The following PLXNA3 variants were observed in gnomAD, a reference collection of about 807,000 sequenced individuals.
The protein encoded by PLXNA3 is plexin A3.
PLXNA3 carries 52 observed loss-of-function variants against 118.8 expected under a neutral mutation model. That is an observed-to-expected ratio of 0.44 (90% CI 0.35 to 0.55). The LOEUF (loss-of-function observed/expected upper bound fraction) is 0.55, where lower values mean the gene tolerates loss of function less well. PLXNA3 is among the 20% of genes least tolerant of loss of function. PLXNA3 has a pLI of 0.01. For synonymous variants in PLXNA3, 925 were observed against 762.4 expected (o/e 1.21, Z -3.51); for missense variants, 1,660 against 1,730.8 (o/e 0.96, Z 0.73).
chrX:154,462,231 G>A lies in PLXNA3; in HGVS notation c.1238G>A (p.Gly413Asp). ...GLPLLADSTD[G>D]MASVAAYTYR... is the part of the protein sequence containing the mutation. ...CCCCTGCTGGCCGACAGCACCGACG[G>A]CATGGCCAGCGTGGCCGCCTACACC... Residue 413 changes from glycine to aspartate, a missense_variant, in exon 4 of 33, where the codon GGC becomes GAC. This residue lies in a region of PLXNA3 where 791 missense variants were observed against 652.1 expected (regional missense o/e 1.21). Coordinates refer to ENST00000369682, the MANE Select transcript of PLXNA3 (RefSeq NM_017514.5). 3.3e-6 allele frequency: 4 copies of A among 1,201,697 alleles called. No individual in the cohort carries two copies. The highest frequency in any genetic ancestry group is 1.7e-5 in the African/African-American group (1 of 57,541).
Position 154,461,388 on chromosome X carries a change from C to T in PLXNA3, c.884C>T (p.Ala295Val). 8.3e-7 allele frequency: 1 copy of T among 1,211,786 alleles called. No homozygotes were observed. The highest frequency in any genetic ancestry group is 1.1e-6 in the Non-Finnish European group (1 of 895,403). ...RGVEYRLVQSAHLAKPGLLLA... is the reference protein window; with the variant it reads ...RGVEYRLVQSVHLAKPGLLLA... ...GTGGAGTACCGCTTGGTGCAGAGCG[C>T]CCACCTGGCCAAGCCTGGCCTGCTG... Residue 295 changes from alanine (A) to valine (V), a missense_variant, in exon 3 of 33, where the codon GCC becomes GTC. Transcript: ENST00000369682.
Position 154,460,356 on chromosome X carries a change from C to G in PLXNA3, c.173C>G (p.Pro58Arg), listed in dbSNP as rs968909046. The G allele has an allele frequency of 2.5e-6, 3 of 1,211,065 alleles. No homozygotes were observed. Among genetic ancestry groups the G allele is most frequent in the African/African-American group, 1.7e-5 (1 of 57,958 alleles). ...GAVNRVFKLA[P>R]NLTELRAHVT... is the part of the protein sequence containing the mutation. ...GTGAACCGAGTCTTTAAGCTGGCCC[C>G]CAACCTGACTGAGCTGCGGGCCCAT... The change falls in exon 2 of 33, where the codon CCC becomes CGC. Residue 58 changes from proline (P) to arginine (R), a missense_variant. Coordinates refer to ENST00000369682, the MANE Select transcript of PLXNA3 (RefSeq NM_017514.5).
chrX:154,458,670 C>T (rs1428844008), intron 1 of PLXNA3, among the ~76,000 whole-genome samples: 1 of 112,285 alleles, frequency 8.9e-6, no homozygotes, highest in African/African-American at 3.2e-5. Flanking sequence ...CTGTACTTCC[C>T]TCCCGCTAAG....
Position 154,466,051 on chromosome X carries a change from C to T in PLXNA3, c.2649C>T (p.Ser883=), listed in dbSNP as rs1470802371. The T allele has an allele frequency of 8.3e-7, 1 of 1,208,238 alleles. No homozygotes were observed. The highest frequency in any genetic ancestry group is 1.7e-5 in the African/African-American group (1 of 57,461). ...GGGTGGCTGGCGTGCGTTGCAACTC[C>T]ATTCCGGCCGAGTACATCAGTGCTG... ...GLRVAGVRCN[S]IPAEYISAER... The change falls in exon 14 of 33, where the codon TCC becomes TCT. Residue 883 remains serine (S), a synonymous_variant. Transcript: ENST00000369682.
chrX:154,470,215 C>A, intron 29 of PLXNA3, 48 bp downstream of exon 29: 1 of 1,150,652 alleles, frequency 8.7e-7, no homozygotes, highest in African/African-American at 1.8e-5. Flanking sequence ...GAGGTTGTCC[C>A]GGCCTTACAG....
In PLXNA3 at chrX:154,461,537, A is replaced by G; in HGVS notation, c.1033A>G (p.Ile345Val). The part of the protein sequence containing the change: ...TILCLFTLSN[I>V]NAHIRRRIQS... ...CCTCTGCCTCTTCACCCTCAGCAAC[A>G]TCAATGCCCACATCCGGCGCCGCAT... is the stretch of plus-strand genomic sequence containing the variant. The change falls in exon 3 of 33, where the codon ATC (isoleucine) becomes GTC (valine). Residue 345 changes from isoleucine (I) to valine (V), a missense_variant. Coordinates refer to ENST00000369682, the MANE Select transcript of PLXNA3 (RefSeq NM_017514.5). 8.3e-7 allele frequency: 1 copy of G among 1,210,559 alleles called. No individual in the cohort carries two copies. The highest frequency in any genetic ancestry group is 1.8e-5 in the South Asian group (1 of 57,006).
intron 2 of PLXNA3, 33 bp from the exon 3 acceptor site, chrX:154,461,066 C>G (rs372239746): frequency 8.7e-7 from 1 of 1,147,976 alleles, no homozygotes; most frequent in Non-Finnish European, 1.2e-6. Context: ...CACAGGGCCT[C>G]ACCGGATGCT....
At chrX:154,463,902 GGCCCT>G (rs1276988974) in intron 6 of PLXNA3, 44 bp from the exon 7 acceptor site, 29 of 1,156,759 alleles carry the variant, frequency 2.5e-5, no homozygotes, top group Non-Finnish European at 3.0e-5. Context: ...GACAGGCCTG[GGCCCT>G]CCCGGGGCAG....
In PLXNA3 at chrX:154,477,676, CTCCTTGAATATCTGAAT is replaced by C. The variant is rs2069245267; in HGVS notation, c.*4994_*5010del. ...CTAAATTGTCTTCAATTTCCTTGTA[CTCCTTGAATATCTGAAT>C]TCTAGAACCCCCCCCCCAGCAACCC... On this transcript the variant is annotated 3_prime_UTR_variant, in exon 33 of 33. Transcript: ENST00000369682. 1 of 294,102 alleles carries C rather than the reference CTCCTTGAATATCTGAAT, an allele frequency of 3.4e-6. No individual in the cohort carries two copies. The highest frequency in any genetic ancestry group is 2.9e-5 in the African/African-American group (1 of 34,838). The allele number at this position is 294,102 out of a possible 1,213,427, so 24.2% of individuals were successfully genotyped here.
In PLXNA3 at chrX:154,469,364, G is replaced by A. The variant is rs2069146545; in HGVS notation, c.4595-15G>A. 8.4e-7 allele frequency: 1 copy of A among 1,192,560 alleles called. No individual in the cohort carries two copies. Among genetic ancestry groups the A allele is most frequent in the Admixed American group, 2.2e-5 (1 of 45,814 alleles). ...GGCTGCCAGCATAATCTTAAGGGCTGTCTGTGGCCCACAGAGTGGCGCCAG... is the reference window on the plus strand; with the variant it reads ...GGCTGCCAGCATAATCTTAAGGGCTATCTGTGGCCCACAGAGTGGCGCCAG... On this transcript the variant is annotated splice_polypyrimidine_tract_variant and intron_variant, in intron 26 of 32. Transcript: ENST00000369682.
In PLXNA3 at chrX:154,461,122, C is replaced by G. The variant is rs1557204007; in HGVS notation, c.618C>G (p.Ser206=). The G allele has an allele frequency of 8.3e-7, 1 of 1,202,487 alleles. No individual in the cohort carries two copies. The highest frequency in any genetic ancestry group is 1.1e-6 in the Non-Finnish European group (1 of 888,430). Residue 206 remains serine, a synonymous_variant, in exon 3 of 33, where the codon TCC becomes TCG. Coordinates refer to ENST00000369682, the MANE Select transcript of PLXNA3 (RefSeq NM_017514.5). The part of the protein sequence containing the change: ...FSLVYQDEFV[S]SQIKIPSDTL... ...AGGTGTACCAGGATGAGTTTGTGTC[C>G]TCCCAGATCAAGATCCCCTCAGACA...
At position 154,467,634 on chromosome X, in the gene PLXNA3, G is replaced by A. The variant is rs782395174; in HGVS notation, c.3531G>A (p.Ser1177=). 1.3e-5 allele frequency: 16 copies of A among 1,208,294 alleles called. No homozygotes were observed. Among genetic ancestry groups the A allele is most frequent in the Admixed American group, 1.1e-4 (5 of 45,746 alleles). Residue 1177 remains serine (S), a synonymous_variant, in exon 20 of 33, where the codon TCG becomes TCA. Transcript: ENST00000369682. Reference sequence around the variant, plus strand: ...GCCAGCCGTGTTCGCTCACTGTCTCGGACACACAACTCCTGTGCGACTCAC... The same window carrying A: ...GCCAGCCGTGTTCGCTCACTGTCTCAGACACACAACTCCTGTGCGACTCAC... The part of the protein sequence containing the change: ...IGGQPCSLTV[S]DTQLLCDSPS...
At position 154,465,059 on chromosome X, in the gene PLXNA3, C is replaced by T. The variant is rs782410957; in HGVS notation, c.2085C>T (p.Pro695=). 2.8e-5 allele frequency: 34 copies of T among 1,207,864 alleles called. No homozygotes were observed. In the Admixed American group the frequency reaches 5.5e-4, roughly 19 times the overall value. The change falls in exon 11 of 33, where the codon CCC becomes CCT. Residue 695 remains proline, a synonymous_variant. Transcript: ENST00000369682. ...TGCCCAGTGGGGACCTCCTGATCCC[C>T]GTTGGGGTCATGCAGCCTCTTACCT... ...EILPSGDLLI[P]VGVMQPLTLR... is the part of the protein sequence containing the mutation.
chrX:154,462,452 TC>T, intron 4 of PLXNA3, 142 bp downstream of exon 4: 2 of 468,766 alleles, frequency 4.3e-6, no homozygotes, highest in Non-Finnish European at 3.2e-6. Context: ...CCTGGCTGGG[TC>T]CCAGGCGCCT....
In PLXNA3 at chrX:154,468,542, C is replaced by T. The variant is rs782653838; in HGVS notation, c.4203C>T (p.Pro1401=). The change falls in exon 23 of 33, where the codon CCC becomes CCT. Residue 1401 remains proline, a synonymous_variant. Transcript: ENST00000369682. ...IEKNLESKNH[P]KLLLRRTESV... Reference sequence around the variant, plus strand: ...AGAACCTCGAGAGCAAGAACCACCCCAAGCTGCTGCTACGCAGGTACCTGC... The same window carrying T: ...AGAACCTCGAGAGCAAGAACCACCCTAAGCTGCTGCTACGCAGGTACCTGC... 5.0e-6 allele frequency: 6 copies of T among 1,210,250 alleles called. No individual in the cohort carries two copies. In the South Asian group the frequency reaches 8.8e-5, roughly 18 times the overall value.
chrX:154,463,704 C>G lies in PLXNA3; in HGVS notation c.1547+14C>G. 8.6e-7 allele frequency: 1 copy of G among 1,165,346 alleles called. No homozygotes were observed. ...GCTGCGACACAGGTGAGGGCGGGGA[C>G]CCCTGCTCGGGGAGTTGGAGGGCCC... On this transcript the variant is annotated intron_variant, in intron 6 of 32. Transcript: ENST00000369682.
rs782718396 is a variant in PLXNA3, at chrX:154,460,374, G to A, written c.191G>A (p.Arg64Gln). The change falls in exon 2 of 33, where the codon CGG (arginine) becomes CAG (glutamine). Residue 64 changes from arginine (R) to glutamine (Q), a missense_variant. Physicochemically the swap from Arg to Gln is conservative, Grantham distance 43 (BLOSUM62 1). Coordinates refer to ENST00000369682, the MANE Select transcript of PLXNA3 (RefSeq NM_017514.5). ...FKLAPNLTEL[R>Q]AHVTGPVEDN... Reference sequence around the variant, plus strand: ...CTGGCCCCCAACCTGACTGAGCTGCGGGCCCATGTCACGGGGCCCGTCGAG... The same window carrying A: ...CTGGCCCCCAACCTGACTGAGCTGCAGGCCCATGTCACGGGGCCCGTCGAG... 8.3e-6 allele frequency: 10 copies of A among 1,208,636 alleles called. No homozygotes were observed. In the African/African-American group the frequency reaches 8.7e-5, roughly 11 times the overall value.
chrX:154,465,703 C>T lies in PLXNA3; in HGVS notation c.2388C>T (p.Cys796=). The part of the protein sequence containing the change: ...CWAQRPSCGL[C]LKADPRFNCG... ...CGCAGCGGCCCAGCTGTGGCCTCTG[C>T]CTCAAGGCTGATCCCCGCTTCAACT... is the stretch of plus-strand genomic sequence containing the variant. The change falls in exon 13 of 33, where the codon TGC becomes TGT. Residue 796 remains cysteine (C), a synonymous_variant. Transcript: ENST00000369682. 1 of 1,210,467 alleles carries T rather than the reference C, an allele frequency of 8.3e-7. No homozygotes were observed. The highest frequency in any genetic ancestry group is 1.1e-6 in the Non-Finnish European group (1 of 894,990).
In PLXNA3 at chrX:154,465,439, G is replaced by A; in HGVS notation, c.2260G>A (p.Asp754Asn). The change falls in exon 12 of 33, where the codon GAT becomes AAT. Residue 754 changes from aspartate (D) to asparagine (N), a missense_variant. Asp to Asn is a conservative substitution (Grantham distance 23). This residue lies in a region of PLXNA3 where 869 missense variants were observed against 1,078.7 expected (regional missense o/e 0.81). Transcript: ENST00000369682. Reference sequence around the variant, plus strand: ...TTTCCTCCAGTACTCCTATGAAGGTGATGAGCATGGTGACACCGAGCTGGA... The same window carrying A: ...TTTCCTCCAGTACTCCTATGAAGGTAATGAGCATGGTGACACCGAGCTGGA... ...CQNASYSYEG[D>N]EHGDTELDFS... is the part of the protein sequence containing the mutation. 8.3e-7 allele frequency: 1 copy of A among 1,205,464 alleles called. No individual in the cohort carries two copies. The highest frequency in any genetic ancestry group is 1.1e-6 in the Non-Finnish European group (1 of 889,925).
Sources: allele counts gnomAD v4.1 joint callset (sites outside exome capture counted in the v4.1 genomes callset), GRCh38; gene constraint gnomAD v4.1.1; regional missense constraint gnomAD v4.1.1; transcripts MANE v1.5; gene names NCBI Gene and HGNC (gene_info 2026-07-23, HGNC 2026-07-21).